Variants in RARB observed in about 807,000 individuals in gnomAD.
RARB encodes retinoic acid receptor beta, also known as HBV-activated protein.
Under a neutral mutation model 51.9 loss-of-function variants are expected in RARB, and 17 were observed. The observed-to-expected ratio is 0.33, with a 90% CI of 0.22 to 0.49. The LOEUF is 0.49. Ranked by LOEUF, RARB falls within the 20% of genes least tolerant of loss-of-function variation. The pLI is 0.99. For synonymous variants in RARB, 215 were observed against 195.4 expected, an observed-to-expected ratio of 1.10 and a Z score of -0.84; for missense variants, 369 against 550.8, an observed-to-expected ratio of 0.67 and a Z score of 3.30.
intron 2 of RARB, among the ~76,000 whole-genome samples, chr3:24,899,056 G>C (rs1043219267): frequency 6.6e-6 from 1 of 152,168 alleles, no homozygotes; most frequent in African/African-American, 2.4e-5. Context: ...CATGATCTAA[G>C]ATCATTTTAG....
At chr3:25,011,787 C>T (rs1697400388) in intron 2 of RARB, among the ~76,000 whole-genome samples, 1 of 152,054 alleles carries the variant, frequency 6.6e-6, no homozygotes. Context: ...AGCAGACTAG[C>T]CCCACACCTA....
At chr3:25,420,893 T>C (rs1046604488) in intron 5 of RARB, among the ~76,000 whole-genome samples, 1 of 149,226 alleles carries the variant, frequency 6.7e-6, no homozygotes, top group Admixed American at 6.9e-5. Context: ...TAACACAAGA[T>C]AGATTAATAA....
At chr3:25,549,569 C>A (rs1444082453) in intron 3 of RARB, among the ~76,000 whole-genome samples, 3 of 152,066 alleles carry the variant, frequency 2.0e-5, no homozygotes, top group African/African-American at 7.2e-5. Context: ...TCATGAAAGA[C>A]CATAACCCTC....
intron 3 of RARB, among the ~76,000 whole-genome samples, chr3:25,526,646 G>A (rs1698663082): frequency 6.6e-6 from 1 of 152,206 alleles, no homozygotes; most frequent in Non-Finnish European, 1.5e-5. Flanking sequence ...CATGGAGAAT[G>A]TTAGATGGAC....
chr3:24,863,654 C>T (rs946456134), intron 2 of RARB, among the ~76,000 whole-genome samples: 1 of 151,178 alleles, frequency 6.6e-6, no homozygotes, highest in African/African-American at 2.4e-5. Context: ...GAGAACACCA[C>T]TAATTTTCAC....
intron 3 of RARB, among the ~76,000 whole-genome samples, chr3:25,509,118 C>G (rs1153588): frequency 0.92 from 140,816 of 152,290 alleles, 65,228 homozygotes; most frequent in Middle Eastern, 0.98. Flanking sequence ...CAGCACAGGG[C>G]AAAGAACAAA....
At chr3:25,160,670 T>C (rs1700459776) in intron 4 of RARB, among the ~76,000 whole-genome samples, 1 of 152,202 alleles carries the variant, frequency 6.6e-6, no homozygotes, top group Non-Finnish European at 1.5e-5. Flanking sequence ...TGATAACAAA[T>C]TACTACAAGC....
At chr3:25,349,868 T>C (rs1017117582) in intron 5 of RARB, among the ~76,000 whole-genome samples, 25 of 152,266 alleles carry the variant, frequency 1.6e-4, no homozygotes, top group Non-Finnish European at 3.1e-4. Flanking sequence ...CTCTGCTCTG[T>C]GTAGGGTCAG....
intron 3 of RARB, among the ~76,000 whole-genome samples, chr3:25,562,268 A>G (rs1700304621): frequency 6.6e-6 from 1 of 152,186 alleles, no homozygotes. Flanking sequence ...GGTTTTTTAA[A>G]AACAAGGTGA....
chr3:25,529,981 G>A (rs1157048219), intron 3 of RARB, among the ~76,000 whole-genome samples: 1 of 152,124 alleles, frequency 6.6e-6, no homozygotes, highest in East Asian at 1.9e-4. Flanking sequence ...TGCCCTTCAT[G>A]TCCTGGCCCC....
intron 2 of RARB, among the ~76,000 whole-genome samples, chr3:25,482,155 A>G (rs939711789): frequency 2.6e-5 from 4 of 152,220 alleles, no homozygotes; most frequent in Non-Finnish European, 5.9e-5. Context: ...GATGCTTAGC[A>G]CATAGCAGCA....
intron 2 of RARB, among the ~76,000 whole-genome samples, chr3:24,992,468 G>A (rs1696933553): frequency 6.6e-6 from 1 of 152,098 alleles, no homozygotes; most frequent in South Asian, 2.1e-4. Flanking sequence ...AAAATTTGGT[G>A]GATGTTTCTC....
At chr3:24,959,865 A>G (rs1373187000) in intron 2 of RARB, among the ~76,000 whole-genome samples, 1 of 152,252 alleles carries the variant, frequency 6.6e-6, no homozygotes, top group Non-Finnish European at 1.5e-5. Context: ...TAATGTTCAC[A>G]AGAACCCTAG....
intron 2 of RARB, among the ~76,000 whole-genome samples, chr3:25,471,511 CT>C (rs535985916): frequency 0.011 from 1,384 of 123,906 alleles, 21 homozygotes; most frequent in African/African-American, 0.034. Context: ...AAAAATCTGT[CT>C]TTTTTTTTTT....
intron 2 of RARB, among the ~76,000 whole-genome samples, chr3:24,913,459 G>A (rs1034639216): frequency 7.3e-6 from 1 of 136,344 alleles, no homozygotes; most frequent in Non-Finnish European, 1.5e-5. Flanking sequence ...CAGAAGTATA[G>A]CTCATACATT....
At chr3:25,014,344 C>A (rs761598353) in intron 2 of RARB, among the ~76,000 whole-genome samples, 1 of 152,004 alleles carries the variant, frequency 6.6e-6, no homozygotes, top group Non-Finnish European at 1.5e-5. Flanking sequence ...CTCCTGAATT[C>A]TTTTTCTACT....
At chr3:25,047,274 G>A (rs1051773463) in intron 2 of RARB, among the ~76,000 whole-genome samples, 12 of 152,228 alleles carry the variant, frequency 7.9e-5, no homozygotes, top group African/African-American at 2.9e-4. Context: ...ATATTAGTCA[G>A]CTGAGTAATT....
intron 3 of RARB, among the ~76,000 whole-genome samples, chr3:25,099,850 G>A (rs1001312872): frequency 2.7e-4 from 41 of 152,092 alleles, no homozygotes; most frequent in Non-Finnish European, 5.9e-5. Flanking sequence ...TCATTTGTGT[G>A]TGCAGTCCCC....
At chr3:25,593,902 C>T (rs911756394) in intron 6 of RARB, among the ~76,000 whole-genome samples, 195 bp downstream of exon 6, 2 of 152,140 alleles carry the variant, frequency 1.3e-5, no homozygotes, top group Non-Finnish European at 1.5e-5. Flanking sequence ...TGGGATCCTT[C>T]TGCTCAGAAA....
Sources: gnomAD v4.1 joint callset for allele counts (sites outside exome capture counted in the v4.1 genomes callset) on GRCh38, gnomAD v4.1.1 for gene constraint, MANE v1.5 for transcripts, NCBI Gene and HGNC (gene_info 2026-07-23, HGNC 2026-07-21) for gene names.